Variants in PNPT1 observed in about 807,000 individuals in gnomAD.
The protein encoded by PNPT1 is polyribonucleotide nucleotidyltransferase 1.
A neutral mutation model predicts 119.5 loss-of-function variants in PNPT1; 53 were observed. The observed-to-expected ratio is 0.44, with a 90% CI of 0.36 to 0.56. The LOEUF (loss-of-function observed/expected upper bound fraction) is 0.56. Among genes scored for constraint, PNPT1 ranks in the 20% least tolerant of loss-of-function variants. The pLI is 0.00. For missense variants in PNPT1, 948 were observed against 938.5 expected, an observed-to-expected ratio of 1.01 and a Z score of -0.13; for synonymous variants, 357 against 322.1, an observed-to-expected ratio of 1.11 and a Z score of -1.16.
intron 18 of PNPT1, among the ~76,000 whole-genome samples, chr2:55,652,194 T>G (rs1696232637): frequency 6.6e-6 from 1 of 152,210 alleles, no homozygotes. Context: ...TTTCAAACCT[T>G]TAAGCTTTTT....
chr2:55,641,486 C>T (rs969416765), intron 25 of PNPT1, among the ~76,000 whole-genome samples: 1 of 151,480 alleles, frequency 6.6e-6, no homozygotes, highest in Non-Finnish European at 1.5e-5. Flanking sequence ...CCAGGCTGGT[C>T]TCGATTTTCC....
At chr2:55,661,091 CTTTTTTTTT>C (rs1171064705) in intron 14 of PNPT1, among the ~76,000 whole-genome samples, 1 of 71,598 alleles carries the variant, frequency 1.4e-5, no homozygotes, top group Admixed American at 1.8e-4. Context: ...AATAGAGATT[CTTTTTTTTT>C]TTTTTTTTTT....
intron 18 of PNPT1, among the ~76,000 whole-genome samples, chr2:55,653,173 A>G (rs13399762): frequency 0.14 from 21,419 of 152,090 alleles, 3,069 homozygotes; most frequent in African/African-American, 0.37. Context: ...CTACTTATAA[A>G]CCATTCTTTT....
At chr2:55,649,449 A>G (rs1370691794) in intron 18 of PNPT1, among the ~76,000 whole-genome samples, 1 of 152,088 alleles carries the variant, frequency 6.6e-6, no homozygotes, top group Non-Finnish European at 1.5e-5. Context: ...AGATCTGTTT[A>G]TTTTTTTAGA....
At chr2:55,651,790 TTA>T (rs1491492592) in intron 18 of PNPT1, among the ~76,000 whole-genome samples, 1 of 135,452 alleles carries the variant, frequency 7.4e-6, no homozygotes, top group African/African-American at 2.9e-5. Flanking sequence ...AAAAAAAAAA[TTA>T]AAAAAAAAAA....
intron 1 of PNPT1, among the ~76,000 whole-genome samples, chr2:55,688,374 C>G (rs756931471): frequency 6.6e-6 from 1 of 152,084 alleles, no homozygotes; most frequent in Non-Finnish European, 1.5e-5. Flanking sequence ...CTTATCATCT[C>G]TCACCTTGTT....
At chr2:55,645,886 G>A (rs1695986044) in intron 21 of PNPT1, among the ~76,000 whole-genome samples, 1 of 151,950 alleles carries the variant, frequency 6.6e-6, no homozygotes, top group Non-Finnish European at 1.5e-5. Context: ...GGCGCGCAAT[G>A]GCATGATCTC....
intron 18 of PNPT1, among the ~76,000 whole-genome samples, chr2:55,647,791 G>A (rs1696048032): frequency 6.6e-6 from 1 of 152,040 alleles, no homozygotes; most frequent in African/African-American, 2.4e-5. Context: ...CCAAAGCGCT[G>A]GGATTACAAG....
At chr2:55,650,216 C>CT in intron 18 of PNPT1, among the ~76,000 whole-genome samples, 1 of 152,198 alleles carries the variant, frequency 6.6e-6, no homozygotes, top group East Asian at 1.9e-4. Context: ...CCCTCTGATG[C>CT]CGAGCTGAAG....
At chr2:55,678,952 C>A (rs1220132498) in intron 8 of PNPT1, among the ~76,000 whole-genome samples, 1 of 152,124 alleles carries the variant, frequency 6.6e-6, no homozygotes, top group African/African-American at 2.4e-5. Flanking sequence ...CATCAGAAGA[C>A]CCTATGTCAA....
intron 9 of PNPT1, 88 bp downstream of exon 9, chr2:55,672,805 G>C (rs1696954345): frequency 8.2e-7 from 1 of 1,218,076 alleles, no homozygotes; most frequent in Non-Finnish European, 1.2e-6. Context: ...AGTAATGCAT[G>C]GGCAGTGCTT....
chr2:55,649,640 CTGTT>C (rs1162219221), intron 18 of PNPT1, among the ~76,000 whole-genome samples: 1 of 152,174 alleles, frequency 6.6e-6, no homozygotes, highest in Non-Finnish European at 1.5e-5. Flanking sequence ...CTGGGAAAAA[CTGTT>C]TGGAAAAAAC....
chr2:55,669,345 TA>T (rs1230002281), intron 11 of PNPT1, among the ~76,000 whole-genome samples: 2 of 152,234 alleles, frequency 1.3e-5, no homozygotes, highest in African/African-American at 4.8e-5. Context: ...TATTCTACCC[TA>T]TCAATTAATT....
Position 55,644,727 on chromosome 2 carries a change from C to G in PNPT1, c.1823-7G>C. 3 of 1,593,452 alleles carry G rather than the reference C, an allele frequency of 1.9e-6. No homozygotes were observed. In the South Asian group the frequency reaches 3.3e-5, roughly 18 times the overall value. On this transcript the variant is annotated splice_region_variant and splice_polypyrimidine_tract_variant and intron_variant, in intron 22 of 27. Coordinates refer to ENST00000447944, the MANE Select transcript of PNPT1 (RefSeq NM_033109.5). ...AATGGAACCTGAACAGTTTCTGGAA[C>G]GTAATACAGACAAATATATAAACAA...
At chr2:55,660,463 T>C (rs1464661081) in intron 14 of PNPT1, among the ~76,000 whole-genome samples, 2 of 152,176 alleles carry the variant, frequency 1.3e-5, no homozygotes, top group Admixed American at 1.3e-4. Flanking sequence ...ACTAAGACAA[T>C]AGATGTATTT....
intron 18 of PNPT1, among the ~76,000 whole-genome samples, chr2:55,651,276 C>T (rs1399339134): frequency 4.6e-5 from 7 of 152,002 alleles, no homozygotes; most frequent in Admixed American, 3.9e-4. Flanking sequence ...GGGAGGTGTG[C>T]CCAACAGCTC....
chr2:55,654,726 A>G (rs1380199765), intron 18 of PNPT1, among the ~76,000 whole-genome samples, 174 bp downstream of exon 18: 1 of 152,044 alleles, frequency 6.6e-6, no homozygotes, highest in Admixed American at 6.6e-5. Context: ...AGGTGTGTAT[A>G]AAAGGTTAGC....
intron 15 of PNPT1, among the ~76,000 whole-genome samples, chr2:55,659,259 A>C (rs1559097002): frequency 6.6e-6 from 1 of 152,166 alleles, no homozygotes; most frequent in Non-Finnish European, 1.5e-5. Flanking sequence ...CCTGCTCTCC[A>C]TGTACATTCT....
At chr2:55,667,317 G>A (rs569640210) in intron 12 of PNPT1, among the ~76,000 whole-genome samples, 1 of 152,190 alleles carries the variant, frequency 6.6e-6, no homozygotes, top group South Asian at 2.1e-4. Flanking sequence ...CAGGTAGGCC[G>A]GGCGCGGTGG....
Sources: allele counts gnomAD v4.1 joint callset (sites outside exome capture counted in the v4.1 genomes callset), GRCh38; gene constraint gnomAD v4.1.1; transcripts MANE v1.5; gene names NCBI Gene and HGNC (gene_info 2026-07-23, HGNC 2026-07-21).